Variants in MOXD1 observed in about 807,000 individuals in gnomAD.
MOXD1 encodes monooxygenase DBH like 1.
A neutral mutation model predicts 66.6 loss-of-function variants in MOXD1; 62 were observed. The observed-to-expected ratio is 0.93, with a 90% CI of 0.76 to 1.15. The LOEUF is 1.15. Ranked by LOEUF, MOXD1 falls within the 50% of genes most tolerant of loss-of-function variation. The pLI, the probability that MOXD1 is intolerant of heterozygous loss-of-function variation, is 0.00. For missense variants in MOXD1, 847 were observed against 754.6 expected, an observed-to-expected ratio of 1.12 and a Z score of -1.44; for synonymous variants, 303 against 281.9, an observed-to-expected ratio of 1.07 and a Z score of -0.75.
intron 1 of MOXD1, 123 bp downstream of exon 1, chr6:132,401,040 G>C: frequency 8.1e-7 from 1 of 1,228,954 alleles, no homozygotes; most frequent in Non-Finnish European, 1.1e-6. Flanking sequence ...GTGGCCGGGG[G>C]CGCGGGGCTG....
intron 10 of MOXD1, among the ~76,000 whole-genome samples, chr6:132,309,486 C>T (rs1315119099): frequency 1.3e-5 from 2 of 152,166 alleles, no homozygotes; most frequent in Non-Finnish European, 2.9e-5. Flanking sequence ...CATCAAACTA[C>T]CATTGACATT....
At chr6:132,386,433 C>CAAAAA (rs143926667) in intron 1 of MOXD1, among the ~76,000 whole-genome samples, 18 of 65,034 alleles carry the variant, frequency 2.8e-4, no homozygotes, top group South Asian at 1.4e-3. Context: ...CAAAACAAAA[C>CAAAAA]AAAAAAAAAA....
rs770972182 is a variant in MOXD1, at chr6:132,328,641, C to T, written c.664-47G>A. 7.8e-6 allele frequency: 12 copies of T among 1,541,722 alleles called. No individual in the cohort carries two copies. In the East Asian group the frequency reaches 1.6e-4, roughly 20 times the overall value. On this transcript the variant is annotated intron_variant, in intron 4 of 11. Coordinates refer to ENST00000367963, the MANE Select transcript of MOXD1 (RefSeq NM_015529.4). ...GGAGGACACAATAAATAAGACCACC[C>T]TACAACATCCCACAACAAACGTGAA...
chr6:132,392,163 C>G (rs1776779266), intron 1 of MOXD1: 1 of 1,540,682 alleles, frequency 6.5e-7, no homozygotes, highest in South Asian at 1.2e-5. Flanking sequence ...CATCGTTAAC[C>G]ACAAAGAATG....
chr6:132,300,731 T>C (rs1019769887), intron 10 of MOXD1, among the ~76,000 whole-genome samples: 3 of 152,170 alleles, frequency 2.0e-5, no homozygotes, highest in Admixed American at 2.0e-4. Context: ...TTAGAACAGA[T>C]ATGTAGAAAG....
rs1422805546 is a variant in MOXD1 at position 132,297,835 on chromosome 6, G to T, written c.1629C>A (p.Ser543Arg). The change falls in exon 11 of 12, where the codon AGC becomes AGA. Residue 543 changes from serine (S) to arginine (R), a missense_variant. Physicochemically the swap from Ser to Arg is moderately radical, Grantham distance 110 (BLOSUM62 -1). Transcript: ENST00000367963. The stretch of plus-strand genomic sequence containing the variant: ...TGGAACATCTCACATTCACTGGCAG[G>T]CTGAGGACCAGCTTGTTGAAGGAGA... The part of the protein sequence containing the change: ...EGLSFNKLVL[S>R]LPVNVRCSKT... The T allele has an allele frequency of 3.1e-6, 5 of 1,612,792 alleles. No homozygotes were observed. The highest frequency in any genetic ancestry group is 4.2e-6 in the Non-Finnish European group (5 of 1,179,424).
chr6:132,349,464 TACATATATATATATATAC>T lies in MOXD1; in HGVS notation c.664-20888_664-20871del, dbSNP rs1775755175. On this transcript the variant is annotated intron_variant, in intron 4 of 11. Coordinates refer to ENST00000367963, the MANE Select transcript of MOXD1 (RefSeq NM_015529.4). ...ATATATATATATACATATATATATATACATATATATATATATACATATATATATATACCACAGTTTCTT... is the reference window on the plus strand; with the variant it reads ...ATATATATATATACATATATATATATATATATATATATACCACAGTTTCTT... 3.5e-3 allele frequency among the ~76,000 whole-genome samples: 89 copies of T among 25,626 alleles called. 7 individuals carry two copies. Among genetic ancestry groups the T allele is most frequent in the East Asian group, 0.013 (8 of 602 alleles). 16.8% of individuals were successfully genotyped at this position (25,626 alleles called of 152,430 possible). A position where few individuals can be genotyped will look rare whatever the true frequency, so the allele number is the denominator to read the frequency against.
At chr6:132,374,841 A>G in intron 1 of MOXD1, 64 bp from the exon 2 acceptor site, 1 of 1,438,022 alleles carries the variant, frequency 7.0e-7, no homozygotes, top group Admixed American at 1.9e-5. Context: ...AATTCATAGG[A>G]CCTTTAAAGA....
At chr6:132,385,794 T>C (rs917358216) in intron 1 of MOXD1, among the ~76,000 whole-genome samples, 2 of 151,308 alleles carry the variant, frequency 1.3e-5, no homozygotes, top group East Asian at 4.0e-4. Flanking sequence ...GCCCAACCAA[T>C]ATACTGAAAT....
chr6:132,364,982 T>C (rs183403985), intron 4 of MOXD1, among the ~76,000 whole-genome samples: 26 of 152,238 alleles, frequency 1.7e-4, no homozygotes, highest in Non-Finnish European at 1.9e-4. Flanking sequence ...AGATTTGTGG[T>C]TTCAGAATTT....
chr6:132,323,595 A>G (rs550115541), intron 7 of MOXD1, among the ~76,000 whole-genome samples: 4 of 152,262 alleles, frequency 2.6e-5, no homozygotes, highest in African/African-American at 9.6e-5. Flanking sequence ...GGAAAAATCA[A>G]TATGGATAAA....
At chr6:132,314,960 G>A (rs532204819) in intron 10 of MOXD1, among the ~76,000 whole-genome samples, 6 of 152,272 alleles carry the variant, frequency 3.9e-5, no homozygotes, top group Admixed American at 3.3e-4. Flanking sequence ...CCTCAGAAAG[G>A]CCTGCTTGCA....
chr6:132,367,387 A>G (rs930135613), intron 4 of MOXD1, among the ~76,000 whole-genome samples: 1 of 152,110 alleles, frequency 6.6e-6, no homozygotes, highest in Non-Finnish European at 1.5e-5. Context: ...TAAATATTAA[A>G]CTCATTTGAT....
chr6:132,310,423 G>A (rs999223454), intron 10 of MOXD1, among the ~76,000 whole-genome samples: 61 of 152,118 alleles, frequency 4.0e-4, no homozygotes, highest in Non-Finnish European at 1.2e-4. Context: ...CCACCACTAC[G>A]GAAGACAGTA....
intron 4 of MOXD1, among the ~76,000 whole-genome samples, chr6:132,362,795 C>T (rs1045998349): frequency 1.3e-5 from 2 of 152,192 alleles, no homozygotes; most frequent in Non-Finnish European, 2.9e-5. Context: ...GTCTCACTAA[C>T]TTCTTTCCAC....
At chr6:132,356,226 TA>T (rs1324056078) in intron 4 of MOXD1, among the ~76,000 whole-genome samples, 1 of 152,106 alleles carries the variant, frequency 6.6e-6, no homozygotes, top group African/African-American at 2.4e-5. Context: ...GGCAATTCAA[TA>T]AAAGAATGTT....
At chr6:132,382,881 A>G (rs1582606624) in intron 1 of MOXD1, among the ~76,000 whole-genome samples, 1 of 152,320 alleles carries the variant, frequency 6.6e-6, no homozygotes, top group African/African-American at 2.4e-5. Context: ...AAGCATGATG[A>G]CACAGATGTT....
chr6:132,357,760 G>A (rs1775935740), intron 4 of MOXD1, among the ~76,000 whole-genome samples: 1 of 152,010 alleles, frequency 6.6e-6, no homozygotes, highest in South Asian at 2.1e-4. Context: ...TAAATCTTAG[G>A]TGTATTTTTT....
At chr6:132,388,700 A>AG (rs1776697596) in intron 1 of MOXD1, among the ~76,000 whole-genome samples, 1 of 151,436 alleles carries the variant, frequency 6.6e-6, no homozygotes, top group Non-Finnish European at 1.5e-5. Context: ...CAGAATAAAA[A>AG]GGGGGTCCAT....
Sources: gnomAD v4.1 joint callset for allele counts (sites outside exome capture counted in the v4.1 genomes callset) on GRCh38, gnomAD v4.1.1 for gene constraint, MANE v1.5 for transcripts, NCBI Gene and HGNC (gene_info 2026-07-23, HGNC 2026-07-21) for gene names.